ADGRL3: variants seen among roughly 807,000 people sequenced by gnomAD.
ADGRL3 encodes adhesion G protein-coupled receptor L3, also known as calcium-independent alpha-latrotoxin receptor 3.
In ADGRL3, 62 loss-of-function variants were observed where a neutral mutation model predicts 153.5. The observed-to-expected ratio is 0.40, with a 90% CI of 0.33 to 0.50. The LOEUF (loss-of-function observed/expected upper bound fraction) is 0.50, where lower values mean the gene tolerates loss of function less well. ADGRL3 is among the 20% of genes least tolerant of loss of function. The pLI, the probability that ADGRL3 is intolerant of heterozygous loss-of-function variation, is 0.47. For synonymous variants in ADGRL3, 710 were observed against 672.5 expected (o/e 1.06, Z -0.86); for missense variants, 1,641 against 1,859.4 (o/e 0.88, Z 2.16).
intron 9 of ADGRL3, among the ~76,000 whole-genome samples, chr4:61,823,007 G>A (rs1163374470): frequency 6.6e-6 from 1 of 152,146 alleles, no homozygotes; most frequent in Non-Finnish European, 1.5e-5. Flanking sequence ...TTCCAGAGAA[G>A]AGAAATCACT....
At chr4:61,530,022 G>A (rs1443089439) in intron 4 of ADGRL3, among the ~76,000 whole-genome samples, 1 of 152,036 alleles carries the variant, frequency 6.6e-6, no homozygotes, top group African/African-American at 2.4e-5. Flanking sequence ...TAGTTGGCAG[G>A]GAATACTAGT....
intron 9 of ADGRL3, among the ~76,000 whole-genome samples, chr4:61,870,718 A>G (rs1561391842): frequency 6.6e-6 from 1 of 152,222 alleles, no homozygotes; most frequent in Non-Finnish European, 1.5e-5. Flanking sequence ...GCCATCAGGA[A>G]AATACAATCA....
chr4:61,325,169 G>C (rs2150847015), intron 1 of ADGRL3, among the ~76,000 whole-genome samples: 1 of 152,044 alleles, frequency 6.6e-6, no homozygotes. Flanking sequence ...AAAATTAGCT[G>C]GGCGTGGTGG....
At chr4:62,009,290 A>G (rs1044975075) in intron 21 of ADGRL3, among the ~76,000 whole-genome samples, 16 of 152,248 alleles carry the variant, frequency 1.1e-4, no homozygotes, top group African/African-American at 3.1e-4. Context: ...GAGAAAAATT[A>G]TTTGTCAATG....
At chr4:61,768,589 T>G (rs2097035656) in intron 8 of ADGRL3, among the ~76,000 whole-genome samples, 1 of 152,074 alleles carries the variant, frequency 6.6e-6, no homozygotes. Context: ...AGTGCCGTTT[T>G]CTGGCTATTT....
At position 61,413,756 on chromosome 4, in the gene ADGRL3, C is replaced by CAACA. The variant is rs71211382; in HGVS notation, c.-174+30591_-174+30594dup. On this transcript the variant is annotated intron_variant, in intron 2 of 26. Transcript: ENST00000683033. ...CTGGAAGTATGAGTTAAACAACAAA[C>CAACA]AACAAACAAACAAACAAACAAACAA... Among the ~76,000 whole-genome samples the CAACA allele has an allele frequency of 3.6e-4, 54 of 151,360 alleles. 1 individual carries two copies. The highest frequency in any genetic ancestry group is 7.9e-4 in the East Asian group (4 of 5,046).
At chr4:61,838,916 A>C (rs2097979334) in intron 9 of ADGRL3, among the ~76,000 whole-genome samples, 1 of 152,188 alleles carries the variant, frequency 6.6e-6, no homozygotes, top group Non-Finnish European at 1.5e-5. Context: ...ATGATCTTTA[A>C]AGAAATCTAA....
intron 2 of ADGRL3, among the ~76,000 whole-genome samples, chr4:61,413,887 T>TA (rs1485966425): frequency 3.9e-5 from 6 of 152,210 alleles, no homozygotes; most frequent in Admixed American, 2.0e-4. Flanking sequence ...AGCATCTTCT[T>TA]ACATTTGTTT....
intron 13 of ADGRL3, among the ~76,000 whole-genome samples, chr4:61,932,982 A>T (rs1048038561): frequency 4.0e-5 from 6 of 151,816 alleles, no homozygotes; most frequent in Admixed American, 1.3e-4. Context: ...TATTTTTTTT[A>T]AATTATGAAA....
At chr4:61,268,956 A>G (rs1386015961) in intron 1 of ADGRL3, among the ~76,000 whole-genome samples, 1 of 151,662 alleles carries the variant, frequency 6.6e-6, no homozygotes, top group African/African-American at 2.4e-5. Context: ...TTAAGAAGAG[A>G]ATGGTAAGTG....
chr4:61,596,741 A>C (rs2098990677), intron 5 of ADGRL3, among the ~76,000 whole-genome samples: 1 of 152,116 alleles, frequency 6.6e-6, no homozygotes, highest in Non-Finnish European at 1.5e-5. Flanking sequence ...GCCTGTGGCC[A>C]CAGCTACTTG....
At chr4:62,053,872 C>G (rs1050700326) in intron 25 of ADGRL3, among the ~76,000 whole-genome samples, 1 of 151,484 alleles carries the variant, frequency 6.6e-6, no homozygotes, top group Non-Finnish European at 1.5e-5. Flanking sequence ...CAATACTGGG[C>G]AGTGAGTTAT....
chr4:61,892,920 G>A lies in ADGRL3; in HGVS notation c.1745G>A (p.Gly582Glu), dbSNP rs1365705173. The part of the protein sequence containing the change: ...REIMWFKTRQ[G>E]QIAKQPCPAG... ...ATCATGTGGTTTAAGACTCGTCAAG[G>A]ACAGATAGCAAAGCAGCCATGCCCT... is the stretch of plus-strand genomic sequence containing the variant. Residue 582 changes from glycine (G) to glutamate (E), a missense_variant, in exon 10 of 27, where the codon GGA becomes GAA. Physicochemically the swap from Gly to Glu is moderately conservative, Grantham distance 98. Around this residue, in one of 5 missense-constraint regions of ADGRL3, gnomAD observed 734 missense variants for 797.0 expected, o/e 0.92. Coordinates refer to ENST00000683033, the MANE Select transcript of ADGRL3 (RefSeq NM_001387552.1). 1.9e-6 allele frequency: 3 copies of A among 1,549,800 alleles called. No homozygotes were observed. The highest frequency in any genetic ancestry group is 4.2e-5 in the Admixed American group (2 of 47,930).
chr4:61,833,364 G>A (rs1327848262), intron 9 of ADGRL3, among the ~76,000 whole-genome samples: 2 of 152,192 alleles, frequency 1.3e-5, no homozygotes, highest in South Asian at 2.1e-4. Context: ...AATAGAGAAA[G>A]AGTAATTCGC....
At chr4:61,392,980 G>A (rs1025769090) in intron 2 of ADGRL3, among the ~76,000 whole-genome samples, 18 of 151,924 alleles carry the variant, frequency 1.2e-4, no homozygotes, top group African/African-American at 4.3e-4. Context: ...TCTAAGAGCC[G>A]CTGAGTTATA....
chr4:61,542,020 G>T (rs941803907), intron 4 of ADGRL3, among the ~76,000 whole-genome samples: 1 of 152,040 alleles, frequency 6.6e-6, no homozygotes, highest in African/African-American at 2.4e-5. Context: ...CTGATTATTA[G>T]AATTAGTTCA....
intron 24 of ADGRL3, among the ~76,000 whole-genome samples, chr4:62,038,303 G>A (rs1726218060): frequency 6.6e-6 from 1 of 152,010 alleles, no homozygotes; most frequent in Admixed American, 6.6e-5. Context: ...ACTATATTAT[G>A]TGCTGAGAAG....
chr4:61,610,187 T>C (rs1221533655), intron 5 of ADGRL3, among the ~76,000 whole-genome samples: 1 of 151,880 alleles, frequency 6.6e-6, no homozygotes, highest in African/African-American at 2.4e-5. Flanking sequence ...ATTTTATTTC[T>C]AATGCAAGGG....
intron 5 of ADGRL3, among the ~76,000 whole-genome samples, chr4:61,609,001 CTTTT>C (rs550504778): frequency 6.6e-6 from 1 of 151,822 alleles, no homozygotes; most frequent in African/African-American, 2.4e-5. Context: ...TAAAAATTGT[CTTTT>C]TTTTCTTTAC....
Sources: gnomAD v4.1 joint callset for allele counts (sites outside exome capture counted in the v4.1 genomes callset) on GRCh38, gnomAD v4.1.1 for gene constraint, gnomAD v4.1.1 regional missense constraint, MANE v1.5 for transcripts, NCBI Gene and HGNC (gene_info 2026-07-23, HGNC 2026-07-21) for gene names.